The following VDAC2 variants were observed in gnomAD, a reference collection of about 807,000 sequenced individuals.
VDAC2 encodes non-selective voltage-gated ion channel VDAC2.
Under a neutral mutation model 36.6 loss-of-function variants are expected in VDAC2, and 6 were observed. The observed-to-expected ratio is 0.16, with a 90% CI of 0.09 to 0.32. VDAC2 has a LOEUF of 0.32. Among genes scored for constraint, VDAC2 ranks in the 10% least tolerant of loss-of-function variants. VDAC2 has a pLI of 1.00. For missense variants in VDAC2, 247 were observed against 346.0 expected (o/e 0.71, Z 2.27); for synonymous variants, 109 against 123.8 (o/e 0.88, Z 0.79).
chr10:75,211,769 C>T (rs1210445160), intron 2 of VDAC2: 6 of 1,336,644 alleles, frequency 4.5e-6, no homozygotes, highest in Admixed American at 4.0e-5. Context: ...ATTAAATTCT[C>T]TTCCCACTCC....
chr10:75,215,760 C>T (rs1438719503), intron 4 of VDAC2, among the ~76,000 whole-genome samples: 6 of 149,816 alleles, frequency 4.0e-5, no homozygotes, highest in African/African-American at 7.4e-5. Flanking sequence ...CTTGCTCTGT[C>T]GCCCAGGCTG....
chr10:75,214,160 G>T, intron 4 of VDAC2, 90 bp downstream of exon 4: 2 of 1,381,546 alleles, frequency 1.4e-6, no homozygotes, highest in Non-Finnish European at 2.0e-6. Flanking sequence ...TACCTGTTTT[G>T]TCTTAAAGAA....
chr10:75,225,414 G>A (rs537599856), intron 8 of VDAC2, among the ~76,000 whole-genome samples: 22 of 152,318 alleles, frequency 1.4e-4, no homozygotes, highest in African/African-American at 4.6e-4. Context: ...TTACAAACAG[G>A]TTTTTAAAGG....
chr10:75,219,679 T>C (rs534668107), intron 6 of VDAC2, among the ~76,000 whole-genome samples: 23 of 151,880 alleles, frequency 1.5e-4, no homozygotes, highest in African/African-American at 5.6e-4. Context: ...GAGGCGGGGT[T>C]TCGCCATGTT....
chr10:75,227,577 A>AT (rs35378957), intron 8 of VDAC2, among the ~76,000 whole-genome samples: 2,443 of 99,892 alleles, frequency 0.024, 178 homozygotes, highest in African/African-American at 0.086. Flanking sequence ...AATAATAGGA[A>AT]TTTTTTTTTT....
At chr10:75,211,756 A>G (rs539378394) in intron 2 of VDAC2, 4 of 1,428,454 alleles carry the variant, frequency 2.8e-6, no homozygotes, top group South Asian at 1.2e-5. Context: ...TTAAATTCCC[A>G]GTATTAAATT....
intron 9 of VDAC2, among the ~76,000 whole-genome samples, chr10:75,230,552 A>G (rs760828937): frequency 4.2e-4 from 64 of 152,088 alleles, no homozygotes; most frequent in Non-Finnish European, 7.2e-4. Flanking sequence ...CCGTTCCCAA[A>G]TGTGTCTTTA....
chr10:75,219,364 C>G lies in VDAC2; in HGVS notation c.356+8C>G. The G allele has an allele frequency of 6.3e-7, 1 of 1,588,004 alleles. No homozygotes were observed. The highest frequency in any genetic ancestry group is 8.6e-7 in the Non-Finnish European group (1 of 1,164,878). On this transcript the variant is annotated splice_region_variant and intron_variant, in intron 6 of 9. Coordinates refer to ENST00000332211, the MANE Select transcript of VDAC2 (RefSeq NM_001391963.1). ...CTTCTCACCAAACACAGGGTAAGCA[C>G]AGACATTTTTATCTGTATTACATTT...
At chr10:75,222,488 T>G (rs1300993533) in intron 8 of VDAC2, 86 bp downstream of exon 8, 1 of 1,530,276 alleles carries the variant, frequency 6.5e-7, no homozygotes, top group Admixed American at 1.9e-5. Context: ...AAATTTGAAC[T>G]GATTTCACAC....
intron 4 of VDAC2, among the ~76,000 whole-genome samples, chr10:75,214,278 A>T (rs1461530583): frequency 6.6e-6 from 1 of 152,240 alleles, no homozygotes; most frequent in Admixed American, 6.5e-5. Context: ...TTATGTATGC[A>T]CAAGGAACTT....
At position 75,219,784 on chromosome 10, in the gene VDAC2, CTT is replaced by C. The variant is rs568009672; in HGVS notation, c.356+440_356+441del. Among the ~76,000 whole-genome samples the C allele has an allele frequency of 2.0e-3, 274 of 138,876 alleles. 1 individual carries two copies. The highest frequency in any genetic ancestry group is 6.8e-3 in the African/African-American group (258 of 38,126). The allele number at this position is 138,876 out of a possible 152,430, so 91.1% of individuals were successfully genotyped here. A position where few individuals can be genotyped will look rare whatever the true frequency, so the allele number is the denominator to read the frequency against. ...ACAGGCATGAGCCACCACGCCCAGC[CTT>C]TTTTTTTTTTTCCATATTTTATTTT... On this transcript the variant is annotated intron_variant, in intron 6 of 9. Transcript: ENST00000332211.
At chr10:75,211,814 A>G (rs2132249542) in intron 2 of VDAC2, among the ~76,000 whole-genome samples, 1 of 152,344 alleles carries the variant, frequency 6.6e-6, no homozygotes, top group African/African-American at 2.4e-5. Flanking sequence ...AAGATATTAA[A>G]GGACGTATCA....
chr10:75,224,972 T>G (rs1291579832), intron 8 of VDAC2, among the ~76,000 whole-genome samples: 1 of 152,226 alleles, frequency 6.6e-6, no homozygotes, highest in Non-Finnish European at 1.5e-5. Context: ...TCTCTAATTC[T>G]TACTGATCTG....
chr10:75,213,983 G>A, intron 3 of VDAC2, 38 bp from the exon 4 acceptor site: 1 of 1,605,064 alleles, frequency 6.2e-7, no homozygotes, highest in Non-Finnish European at 8.5e-7. Flanking sequence ...TTCATACAAA[G>A]GAATCATTTT....
intron 4 of VDAC2, among the ~76,000 whole-genome samples, chr10:75,214,939 CGG>C (rs1841552780): frequency 6.6e-6 from 1 of 152,284 alleles, no homozygotes; most frequent in African/African-American, 2.4e-5. Context: ...GGGTCTCACT[CGG>C]TTGCCCAGGC....
Position 75,227,898 on chromosome 10 carries a change from CT to C in VDAC2, c.736-1732del, listed in dbSNP as rs1172542801. On this transcript the variant is annotated intron_variant, in intron 8 of 9. Coordinates refer to ENST00000332211, the MANE Select transcript of VDAC2 (RefSeq NM_001391963.1). ...ATAATGGGAATTTCTTTCTTTCTTTCTTTTTTTTTTTTTTGAGGCGGAGTCT... is the reference window on the plus strand; with the variant it reads ...ATAATGGGAATTTCTTTCTTTCTTTCTTTTTTTTTTTTTGAGGCGGAGTCT... Among the ~76,000 whole-genome samples, 437 of 133,414 alleles carry C rather than the reference CT, an allele frequency of 3.3e-3. 1 individual carries two copies. The highest frequency in any genetic ancestry group is 4.8e-3 in the African/African-American group (176 of 36,710). 87.5% of individuals were successfully genotyped at this position (133,414 alleles called of 152,430 possible).
chr10:75,211,427 A>T (rs994944361), intron 2 of VDAC2: 2 of 1,469,174 alleles, frequency 1.4e-6, no homozygotes, highest in South Asian at 1.4e-5. Flanking sequence ...GCCTTTGTAC[A>T]TGTCTTTGAC....
At chr10:75,229,079 C>T (rs1352661538) in intron 8 of VDAC2, among the ~76,000 whole-genome samples, 2 of 152,078 alleles carry the variant, frequency 1.3e-5, no homozygotes, top group Non-Finnish European at 2.9e-5. Flanking sequence ...TCAGCAGCAC[C>T]GGCATTTATG....
At position 75,214,077 on chromosome 10, in the gene VDAC2, G is replaced by GT; in HGVS notation, c.150+9dup. 6.2e-7 allele frequency: 1 copy of GT among 1,612,532 alleles called. No individual in the cohort carries two copies. Among genetic ancestry groups the GT allele is most frequent in the Non-Finnish European group, 8.5e-7 (1 of 1,179,066 alleles). On this transcript the variant is annotated splice_region_variant and intron_variant, in intron 4 of 9. Transcript: ENST00000332211. ...AAAGTCTTGCAGTGGCGTGGTGAGT[G>GT]TTACTGTTGAATAAGTTCTATTGAA...
Sources: allele counts gnomAD v4.1 joint callset (sites outside exome capture counted in the v4.1 genomes callset), GRCh38; gene constraint gnomAD v4.1.1; transcripts MANE v1.5; gene names NCBI Gene and HGNC (gene_info 2026-07-23, HGNC 2026-07-21).